The following USP40 variants were observed in gnomAD, a reference collection of about 807,000 sequenced individuals.
USP40 encodes the protein ubiquitin carboxyl-terminal hydrolase 40.
USP40 carries 143 observed loss-of-function variants against 166.2 expected under a neutral mutation model. The observed-to-expected ratio is 0.86, with a 90% CI of 0.75 to 0.99. The LOEUF (loss-of-function observed/expected upper bound fraction) is 0.99, where lower values mean the gene tolerates loss of function less well. Among genes scored for constraint, USP40 ranks in the 50% least tolerant of loss-of-function variants. USP40 has a pLI of 0.00. For synonymous variants in USP40, 498 were observed against 524.0 expected, an observed-to-expected ratio of 0.95 and a Z score of 0.68; for missense variants, 1,444 against 1,479.7, an observed-to-expected ratio of 0.98 and a Z score of 0.40.
At chr2:233,484,714 C>T (rs145196307) in intron 30 of USP40, among the ~76,000 whole-genome samples, 2,676 of 152,262 alleles carry the variant, frequency 0.018, 76 homozygotes, top group Admixed American at 0.074. Context: ...AACTCCTGGG[C>T]TCAAGTGATC....
chr2:233,500,123 A>C (rs1348978348), intron 21 of USP40, among the ~76,000 whole-genome samples: 2 of 152,152 alleles, frequency 1.3e-5, no homozygotes, highest in Non-Finnish European at 2.9e-5. Context: ...AAGAGGAAAA[A>C]GCAGTTTCTG....
intron 18 of USP40, among the ~76,000 whole-genome samples, chr2:233,517,091 A>C (rs371475549): frequency 8.5e-5 from 13 of 152,164 alleles, no homozygotes; most frequent in African/African-American, 3.1e-4. Flanking sequence ...TGGTAGGTAA[A>C]AAGGCAATGA....
intron 18 of USP40, among the ~76,000 whole-genome samples, chr2:233,517,681 C>T (rs2067324468): frequency 6.6e-6 from 1 of 152,044 alleles, no homozygotes; most frequent in African/African-American, 2.4e-5. Flanking sequence ...GCCACTGTGC[C>T]CGGCCTGCAC....
At chr2:233,479,276 G>C (rs1469628127) in intron 31 of USP40, among the ~76,000 whole-genome samples, 1 of 152,180 alleles carries the variant, frequency 6.6e-6, no homozygotes, top group African/African-American at 2.4e-5. Context: ...TTTAAATGTG[G>C]AAACAGAGCC....
Position 233,519,666 on chromosome 2 carries a change from C to T in USP40, c.2331G>A (p.Val777=). The change falls in exon 18 of 32, where the codon GTG becomes GTA. Residue 777 remains valine, a synonymous_variant. Transcript: ENST00000678225. ...VKISATVNTM[V]FDIRIKAIKE... ...TTATGGCTTTAATTCGAATATCAAA[C>T]ACCATCTAAAACAGAGAAATAAAAT... 1.4e-6 allele frequency: 2 copies of T among 1,413,202 alleles called. No individual in the cohort carries two copies. Among genetic ancestry groups the T allele is most frequent in the Non-Finnish European group, 1.9e-6 (2 of 1,030,086 alleles). The allele number at this position is 1,413,202 out of a possible 1,614,324, so 87.5% of individuals were successfully genotyped here.
chr2:233,500,314 T>A (rs2065992451), intron 21 of USP40, among the ~76,000 whole-genome samples: 1 of 152,190 alleles, frequency 6.6e-6, no homozygotes, highest in Non-Finnish European at 1.5e-5. Flanking sequence ...TGGGGAAAGT[T>A]CTCCCTTCTC....
intron 10 of USP40, among the ~76,000 whole-genome samples, chr2:233,535,218 C>T (rs2068850494): frequency 6.6e-6 from 1 of 152,184 alleles, no homozygotes; most frequent in Non-Finnish European, 1.5e-5. Flanking sequence ...GTAGAATGGA[C>T]AGCTCAAAGA....
intron 4 of USP40, among the ~76,000 whole-genome samples, chr2:233,558,076 ATCTT>A (rs2071259054): frequency 6.6e-6 from 1 of 151,086 alleles, no homozygotes; most frequent in Admixed American, 6.6e-5. Flanking sequence ...GAGGACTTCT[ATCTT>A]GCCTTTTAAA....
chr2:233,499,979 AC>A (rs2065970854), intron 21 of USP40, 64 bp from the exon 22 acceptor site: 1 of 1,453,418 alleles, frequency 6.9e-7, no homozygotes, highest in Admixed American at 1.8e-5. Flanking sequence ...TAGGACAAAC[AC>A]CCTTTTTGGA....
At chr2:233,531,025 T>TA (rs1280452318) in intron 11 of USP40, among the ~76,000 whole-genome samples, 2 of 152,208 alleles carry the variant, frequency 1.3e-5, no homozygotes, top group Non-Finnish European at 2.9e-5. Flanking sequence ...AAAGGAACTA[T>TA]AATTTCATTT....
At chr2:233,538,027 GAA>G (rs2069062392) in intron 10 of USP40, among the ~76,000 whole-genome samples, 2 of 152,060 alleles carry the variant, frequency 1.3e-5, no homozygotes, top group Admixed American at 1.3e-4. Flanking sequence ...ATGGGAATGG[GAA>G]AATGAAATTA....
intron 6 of USP40, among the ~76,000 whole-genome samples, chr2:233,553,580 G>A (rs2070777859): frequency 6.6e-6 from 1 of 152,200 alleles, no homozygotes; most frequent in Non-Finnish European, 1.5e-5. Flanking sequence ...GCTGGAATGT[G>A]CAAAACTTAA....
intron 17 of USP40, among the ~76,000 whole-genome samples, chr2:233,520,614 TC>T (rs2067584426): frequency 6.6e-6 from 1 of 151,774 alleles, no homozygotes; most frequent in South Asian, 2.1e-4. Context: ...AAAACAGAAG[TC>T]CACAACACAA....
chr2:233,523,355 T>C lies in USP40; in HGVS notation c.2016A>G (p.Ala672=). The change falls in exon 16 of 32, where the codon GCA becomes GCG. Residue 672 remains alanine, a synonymous_variant. Transcript: ENST00000678225. ...AGGCTGTGAGGACAGTGCCCACTTC[T>C]GCATTAGCTGGAAAGACATGTGGAG... The part of the protein sequence containing the change: ...IESPHVFPAN[A]EVGTVLTALA... 6.2e-7 allele frequency: 1 copy of C among 1,614,046 alleles called. No individual in the cohort carries two copies. The highest frequency in any genetic ancestry group is 8.5e-7 in the Non-Finnish European group (1 of 1,179,894).
chr2:233,517,782 GT>G (rs35163073), intron 18 of USP40, among the ~76,000 whole-genome samples: 104 of 11,490 alleles, frequency 9.1e-3, no homozygotes, highest in Non-Finnish European at 0.014. Context: ...AGAAACTGTG[GT>G]GTGTGTGTGT....
At position 233,510,392 on chromosome 2, in the gene USP40, C is replaced by CTTTTTTTTT. The variant is rs1158427662; in HGVS notation, c.2527-266_2527-258dup. On this transcript the variant is annotated intron_variant, in intron 20 of 31. Transcript: ENST00000678225. ...CCACATACACTACTTCTTTTTCTTT[C>CTTTTTTTTT]TTTTTTTTTTTTTTTTTTTTTTTTT... 3.7e-3 allele frequency among the ~76,000 whole-genome samples: 252 copies of CTTTTTTTTT among 68,676 alleles called. 8 individuals are homozygous for CTTTTTTTTT. The highest frequency in any genetic ancestry group is 7.4e-3 in the African/African-American group (109 of 14,698). 45.1% of individuals were successfully genotyped at this position (68,676 alleles called of 152,430 possible).
At chr2:233,565,154 T>C (rs2072025230) in intron 2 of USP40, among the ~76,000 whole-genome samples, 1 of 152,240 alleles carries the variant, frequency 6.6e-6, no homozygotes, top group Non-Finnish European at 1.5e-5. Flanking sequence ...AACATTATTG[T>C]CATCACCCAG....
chr2:233,561,031 T>C (rs1209031391), intron 3 of USP40: 4 of 1,187,106 alleles, frequency 3.4e-6, no homozygotes, highest in Non-Finnish European at 4.9e-6. Context: ...GCCAAGTCAC[T>C]TTCTGGAAAT....
At chr2:233,482,443 T>C (rs1246149189) in intron 30 of USP40, among the ~76,000 whole-genome samples, 1 of 152,092 alleles carries the variant, frequency 6.6e-6, no homozygotes, top group Non-Finnish European at 1.5e-5. Flanking sequence ...TCCATGTGTC[T>C]CCACACACCT....
Sources: allele counts gnomAD v4.1 joint callset (sites outside exome capture counted in the v4.1 genomes callset), GRCh38; gene constraint gnomAD v4.1.1; transcripts MANE v1.5; gene names NCBI Gene and HGNC (gene_info 2026-07-23, HGNC 2026-07-21).